The following SLC41A1 variants were observed in gnomAD, a reference collection of about 807,000 sequenced individuals.
The protein encoded by SLC41A1 is solute carrier family 41 member 1.
In SLC41A1, 20 loss-of-function variants were observed where a neutral mutation model predicts 47.3. The observed-to-expected ratio is 0.42, with a 90% CI of 0.30 to 0.61. The LOEUF (loss-of-function observed/expected upper bound fraction) is 0.61. Ranked by LOEUF, SLC41A1 falls within the 20% of genes least tolerant of loss-of-function variation. SLC41A1 has a pLI of 0.17. For synonymous variants in SLC41A1, 282 were observed against 272.7 expected (o/e 1.03, Z -0.34); for missense variants, 504 against 674.1 (o/e 0.75, Z 2.79).
In SLC41A1 at chr1:205,805,069, G is replaced by T. The variant is rs1318060915; in HGVS notation, c.373-4009C>A. Among the ~76,000 whole-genome samples the T allele has an allele frequency of 2.0e-5, 3 of 152,120 alleles. No individual in the cohort carries two copies. In the South Asian group the frequency reaches 6.2e-4, roughly 31 times the overall value. ...AGCTACAGGAGGATCTACAAAGTAC[G>T]GAGTGTTAGGAGCAGTGGGATAAGA... On this transcript the variant is annotated intron_variant, in intron 2 of 10. Coordinates refer to ENST00000367137, the MANE Select transcript of SLC41A1 (RefSeq NM_173854.6).
chr1:205,799,181 C>T lies in SLC41A1; in HGVS notation c.553-80G>A, dbSNP rs4396169. The T allele has an allele frequency of 0.29, 457,602 of 1,588,746 alleles. 69,432 individuals carry two copies. The highest frequency in any genetic ancestry group is 0.53 in the East Asian group (23,210 of 44,126). Reference sequence around the variant, plus strand: ...TGAGGTCATAAGCATCTGGGCAGACCTCTTCCTGGCTGGCAGTAGCCCCAG... The same window carrying T: ...TGAGGTCATAAGCATCTGGGCAGACTTCTTCCTGGCTGGCAGTAGCCCCAG... On this transcript the variant is annotated intron_variant, in intron 4 of 10. Coordinates refer to ENST00000367137, the MANE Select transcript of SLC41A1 (RefSeq NM_173854.6).
rs765974634 is a variant in SLC41A1, at chr1:205,810,421, C to T, written c.21G>A (p.Pro7=). Residue 7 remains proline (P), a synonymous_variant, in exon 2 of 11, where the codon CCG becomes CCA. Transcript: ENST00000367137. This position sits in a 1 kb window ranked among gnomAD's most constrained non-coding sequence, Gnocchi z 5.5. The part of the protein sequence containing the change: MSSKPE[P]KDVHQLNGTG... Reference sequence around the variant, plus strand: ...TCCCGTTCAGTTGGTGGACGTCCTTCGGCTCTGGCTTAGAGGACATGACAG... The same window carrying T: ...TCCCGTTCAGTTGGTGGACGTCCTTTGGCTCTGGCTTAGAGGACATGACAG... The T allele has an allele frequency of 2.0e-5, 33 of 1,614,084 alleles. No individual in the cohort carries two copies. Among genetic ancestry groups the T allele is most frequent in the African/African-American group, 1.6e-4 (12 of 74,918 alleles).
intron 7 of SLC41A1, 94 bp from the exon 8 acceptor site, chr1:205,797,097 G>A: frequency 3.6e-6 from 4 of 1,119,556 alleles, no homozygotes; most frequent in Non-Finnish European, 5.3e-6. Context: ...TATCCTTGGA[G>A]ATGAAGGGAA....
chr1:205,812,005 TA>T (rs930142371), intron 1 of SLC41A1, among the ~76,000 whole-genome samples: 4 of 151,762 alleles, frequency 2.6e-5, no homozygotes, highest in South Asian at 2.1e-4. Flanking sequence ...AAAGTAGCAA[TA>T]AAAAAAACCC....
chr1:205,802,479 G>A (rs1200612616), intron 2 of SLC41A1, among the ~76,000 whole-genome samples: 1 of 152,118 alleles, frequency 6.6e-6, no homozygotes, highest in Non-Finnish European at 1.5e-5. Context: ...CACTTTGGGA[G>A]GCCGAGGCGG....
rs747516634 is a variant in SLC41A1, at chr1:205,799,038, C to A, written c.616G>T (p.Asp206Tyr). ...GCGTGCGGAATACTGAAGTGGCCAT[C>A]AGGGATCCAGCCAAAGACGACGGCT... ...IAAVVFGWIPDGHFSIPHAFL... is the reference protein window; with the variant it reads ...IAAVVFGWIPYGHFSIPHAFL... The change falls in exon 5 of 11, where the codon GAT (aspartate) becomes TAT (tyrosine). Residue 206 changes from aspartate to tyrosine, a missense_variant. Around this residue, in one of 2 missense-constraint regions of SLC41A1, gnomAD observed 421 missense variants for 601.6 expected, o/e 0.70. Transcript: ENST00000367137. The A allele has an allele frequency of 2.5e-6, 4 of 1,613,718 alleles. No homozygotes were observed. The African/African-American group carries it at 4.0e-5, about 16-fold the overall frequency.
chr1:205,801,584 C>T (rs1198746968), intron 2 of SLC41A1: 3 of 188,424 alleles, frequency 1.6e-5, no homozygotes, highest in Non-Finnish European at 3.3e-5. Flanking sequence ...CAGCAACTCT[C>T]CTTCTGAACA....
intron 2 of SLC41A1, among the ~76,000 whole-genome samples, chr1:205,804,283 G>T (rs1011615761): frequency 2.0e-5 from 3 of 152,088 alleles, no homozygotes; most frequent in African/African-American, 7.2e-5. Flanking sequence ...TGGGGTGGGA[G>T]GCCTCACAGG....
chr1:205,808,255 C>T (rs1263406673), intron 2 of SLC41A1, among the ~76,000 whole-genome samples: 1 of 152,196 alleles, frequency 6.6e-6, no homozygotes, highest in Admixed American at 6.5e-5. Context: ...TGAGCTCGGC[C>T]CCCTCTCCGA....
At chr1:205,795,701 A>C in intron 8 of SLC41A1, 1 of 621,358 alleles carries the variant, frequency 1.6e-6, no homozygotes, top group East Asian at 2.8e-5. Flanking sequence ...AGCCTCCCCC[A>C]TCCTCCCCTC....
At chr1:205,807,200 C>T (rs1469967749) in intron 2 of SLC41A1, among the ~76,000 whole-genome samples, 1 of 152,208 alleles carries the variant, frequency 6.6e-6, no homozygotes, top group African/African-American at 2.4e-5. Flanking sequence ...GAATAACAAT[C>T]TCCCTGTGGT....
chr1:205,802,430 G>A (rs1655902320), intron 2 of SLC41A1, among the ~76,000 whole-genome samples: 1 of 152,154 alleles, frequency 6.6e-6, no homozygotes, highest in Non-Finnish European at 1.5e-5. Flanking sequence ...TTAAAGATGA[G>A]CAGTGGCCGA....
rs542380997 is a variant in SLC41A1 at position 205,797,154 on chromosome 1, T to C, written c.993-151A>G. On this transcript the variant is annotated intron_variant, in intron 7 of 10. Transcript: ENST00000367137. Reference sequence around the variant, plus strand: ...CCTCACCATCCAGTCCTTGCCTCCCTTGACAGGATTAGGTGCTGCTCATAA... The same window carrying C: ...CCTCACCATCCAGTCCTTGCCTCCCCTGACAGGATTAGGTGCTGCTCATAA... 137 of 731,856 alleles carry C rather than the reference T, an allele frequency of 1.9e-4. 4 individuals are homozygous for C. In the Admixed American group the frequency reaches 2.3e-3, roughly 12 times the overall value. The allele number at this position is 731,856 out of a possible 1,614,324, so 45.3% of individuals were successfully genotyped here. A position where few individuals can be genotyped will look rare whatever the true frequency, so the allele number is the denominator to read the frequency against.
chr1:205,796,094 G>T (rs1219073906), intron 8 of SLC41A1: 1 of 164,150 alleles, frequency 6.1e-6, no homozygotes, highest in Non-Finnish European at 1.3e-5. Context: ...TCCACAGACT[G>T]CATTACCCAG....
chr1:205,798,859 T>C, intron 5 of SLC41A1, 44 bp from the exon 6 acceptor site: 1 of 1,613,896 alleles, frequency 6.2e-7, no homozygotes, highest in Non-Finnish European at 8.5e-7. Flanking sequence ...TGAGAAGAGA[T>C]AAAGGAGTCT....
intron 9 of SLC41A1, 79 bp downstream of exon 9, chr1:205,795,265 C>T (rs1440466130): frequency 6.2e-7 from 1 of 1,606,502 alleles, no homozygotes; most frequent in Non-Finnish European, 8.5e-7. Flanking sequence ...GATCTGGGGC[C>T]CCAGCTGTCT....
chr1:205,810,235 G>T lies in SLC41A1; in HGVS notation c.207C>A (p.Asn69Lys). 6.2e-7 allele frequency: 1 copy of T among 1,614,202 alleles called. No homozygotes were observed. The highest frequency in any genetic ancestry group is 8.5e-7 in the Non-Finnish European group (1 of 1,180,032). Residue 69 changes from asparagine to lysine, a missense_variant, in exon 2 of 11, where the codon AAC (asparagine) becomes AAA (lysine). Coordinates refer to ENST00000367137, the MANE Select transcript of SLC41A1 (RefSeq NM_173854.6). The surrounding 1 kb of genome is among the most constrained non-coding windows in gnomAD (Gnocchi z 5.5). ...CGTCACTTTCGTTGCTCTGGCTCCC[G>T]TTCTCCAGCAGGGCGTCCTCCTCCC... ...GVREEDALLE[N>K]GSQSNESDDV...
At chr1:205,792,623 G>T (rs904044103) in intron 10 of SLC41A1, among the ~76,000 whole-genome samples, 1 of 152,140 alleles carries the variant, frequency 6.6e-6, no homozygotes, top group Non-Finnish European at 1.5e-5. Flanking sequence ...ATTTACATGC[G>T]CTTTTAAGTT....
At chr1:205,795,504 C>A in intron 8 of SLC41A1, 26 bp from the exon 9 acceptor site, 1 of 1,614,016 alleles carries the variant, frequency 6.2e-7, no homozygotes. Context: ...CGGGCTTAGA[C>A]ACAGACAGAG....
Sources: gnomAD v4.1 joint callset for allele counts (sites outside exome capture counted in the v4.1 genomes callset) on GRCh38, gnomAD v4.1.1 for gene constraint, gnomAD v4.1.1 regional missense constraint, Gnocchi (gnomAD v3.1) non-coding constraint, MANE v1.5 for transcripts, NCBI Gene and HGNC (gene_info 2026-07-23, HGNC 2026-07-21) for gene names.